XKR9: variants seen among roughly 807,000 people sequenced by gnomAD.
XKR9 encodes the protein XK related 9.
XKR9 carries 32 observed loss-of-function variants against 32.0 expected under a neutral mutation model. The observed-to-expected ratio is 1.00, with a 90% CI of 0.76 to 1.34. XKR9 has a LOEUF of 1.34. Among genes scored for constraint, XKR9 ranks in the 40% most tolerant of loss-of-function variants. The pLI is 0.00. For missense variants in XKR9, 546 were observed against 429.7 expected, an observed-to-expected ratio of 1.27 and a Z score of -2.39; for synonymous variants, 168 against 143.4, an observed-to-expected ratio of 1.17 and a Z score of -1.22.
intron 3 of XKR9, among the ~76,000 whole-genome samples, chr8:70,696,310 T>C (rs987944942): frequency 6.6e-6 from 1 of 152,218 alleles, no homozygotes; most frequent in Non-Finnish European, 1.5e-5. Context: ...GATTTTATGG[T>C]TTTAGGCCTA....
the XKR9 span, among the ~76,000 whole-genome samples, chr8:70,836,338 TC>T: frequency 6.6e-6 from 1 of 152,154 alleles, no homozygotes; most frequent in Non-Finnish European, 1.5e-5. Context: ...CCTAAAGGGT[TC>T]CCCCATGTCC....
intron 3 of XKR9, among the ~76,000 whole-genome samples, chr8:70,696,792 AT>A (rs1174627043): frequency 2.0e-5 from 3 of 151,322 alleles, no homozygotes; most frequent in African/African-American, 7.3e-5. Flanking sequence ...CATTTTCACG[AT>A]ATTGATTCTT....
chr8:70,864,467 C>T, the XKR9 span, among the ~76,000 whole-genome samples: 1 of 152,152 alleles, frequency 6.6e-6, no homozygotes, highest in African/African-American at 2.4e-5. Flanking sequence ...CCCTGCCTAC[C>T]TTTTTCTTTC....
chr8:70,972,342 C>A, the XKR9 span, among the ~76,000 whole-genome samples: 1 of 152,012 alleles, frequency 6.6e-6, no homozygotes, highest in African/African-American at 2.4e-5. Flanking sequence ...TGAATTTATT[C>A]ACCAGCTCTA....
chr8:71,001,798 G>C, the XKR9 span, among the ~76,000 whole-genome samples: 1 of 152,166 alleles, frequency 6.6e-6, no homozygotes, highest in Admixed American at 6.5e-5. Flanking sequence ...AAATATGTAA[G>C]TATTGTGACT....
the XKR9 span, among the ~76,000 whole-genome samples, chr8:70,830,443 T>C: frequency 6.7e-6 from 1 of 149,006 alleles, no homozygotes; most frequent in East Asian, 1.9e-4. Context: ...AAATATCAGC[T>C]GAGAGTCGTA....
At chr8:71,027,786 G>A in the XKR9 span, among the ~76,000 whole-genome samples, 6 of 149,820 alleles carry the variant, frequency 4.0e-5, no homozygotes, top group African/African-American at 7.4e-5. Flanking sequence ...TGGCGGGGGG[G>A]GGGGGTCTCA....
the XKR9 span, among the ~76,000 whole-genome samples, chr8:70,886,048 A>AC: frequency 6.6e-6 from 1 of 151,500 alleles, no homozygotes; most frequent in Admixed American, 6.6e-5. Context: ...CTAGTCCCCT[A>AC]CCCCCGCACA....
chr8:70,934,550 A>G, the XKR9 span, among the ~76,000 whole-genome samples: 4 of 152,076 alleles, frequency 2.6e-5, no homozygotes, highest in African/African-American at 7.2e-5. Flanking sequence ...AATCCTGCAC[A>G]ATTCCACTTA....
chr8:70,741,239 G>T (rs1182322041), intron 2 of XKR9, among the ~76,000 whole-genome samples: 3 of 152,164 alleles, frequency 2.0e-5, no homozygotes, highest in African/African-American at 7.2e-5. Context: ...ATCAGGGTGG[G>T]TTCTCCATGA....
the XKR9 span, among the ~76,000 whole-genome samples, chr8:70,957,139 G>T: frequency 5.6e-4 from 86 of 152,328 alleles, no homozygotes; most frequent in African/African-American, 2.0e-3. Flanking sequence ...CACTTTGGAA[G>T]TATGCTACCT....
chr8:70,726,443 A>G (rs1270469548), intron 4 of XKR9, among the ~76,000 whole-genome samples: 1 of 152,252 alleles, frequency 6.6e-6, no homozygotes, highest in Non-Finnish European at 1.5e-5. Context: ...TGAATGAAAA[A>G]TTACAGTTGA....
chr8:70,905,237 T>C, the XKR9 span, among the ~76,000 whole-genome samples: 192 of 152,332 alleles, frequency 1.3e-3, 1 homozygote, highest in African/African-American at 4.3e-3. Flanking sequence ...TTCCATTCTC[T>C]CTGTCAATTT....
chr8:70,814,281 G>T, the XKR9 span, among the ~76,000 whole-genome samples: 1 of 151,918 alleles, frequency 6.6e-6, no homozygotes, highest in Non-Finnish European at 1.5e-5. Flanking sequence ...ATCACACTCT[G>T]GTGACTGTTG....
chr8:70,723,093 A>G (rs901356604), intron 4 of XKR9, among the ~76,000 whole-genome samples: 2 of 151,742 alleles, frequency 1.3e-5, no homozygotes, highest in African/African-American at 4.8e-5. Flanking sequence ...TGATTTGGCT[A>G]TTGATACTTG....
chr8:70,728,075 A>T (rs1806535757), intron 4 of XKR9, among the ~76,000 whole-genome samples: 1 of 152,138 alleles, frequency 6.6e-6, no homozygotes, highest in South Asian at 2.1e-4. Flanking sequence ...AAGGCCTGTT[A>T]TCTTTTTTTA....
the XKR9 span, among the ~76,000 whole-genome samples, chr8:70,890,992 GCTTT>G: frequency 6.6e-6 from 1 of 151,886 alleles, no homozygotes; most frequent in African/African-American, 2.4e-5. Flanking sequence ...TTCTGTTCAG[GCTTT>G]CTATTTCTTC....
the XKR9 span, among the ~76,000 whole-genome samples, chr8:71,044,356 G>A: frequency 3.3e-5 from 5 of 152,112 alleles, no homozygotes; most frequent in East Asian, 1.9e-4. Context: ...TGTGTCTGAC[G>A]GAGGAGAAAC....
At chr8:71,027,386 T>C in the XKR9 span, among the ~76,000 whole-genome samples, 1 of 147,706 alleles carries the variant, frequency 6.8e-6, no homozygotes, top group Non-Finnish European at 1.5e-5. Flanking sequence ...ATAATATATA[T>C]AATATATTTA....
Sources: allele counts gnomAD v4.1 joint callset (sites outside exome capture counted in the v4.1 genomes callset), GRCh38; gene constraint gnomAD v4.1.1; transcripts MANE v1.5; gene names NCBI Gene and HGNC (gene_info 2026-07-23, HGNC 2026-07-21).